Variants in MATR3 observed in about 807,000 individuals in gnomAD.
MATR3 encodes the protein matrin-3.
In MATR3, 4 loss-of-function variants were observed where a neutral mutation model predicts 85.5. That is an observed-to-expected ratio of 0.05 (90% confidence interval 0.02 to 0.11). MATR3 has a LOEUF of 0.11. Ranked by LOEUF, MATR3 falls within the 10% of genes least tolerant of loss-of-function variation. MATR3 has a pLI of 1.00. For missense variants in MATR3, 685 were observed against 1,016.1 expected, an observed-to-expected ratio of 0.67 and a Z score of 4.43; for synonymous variants, 336 against 343.1, an observed-to-expected ratio of 0.98 and a Z score of 0.23.
At chr5:139,277,139 T>C (rs2151853320) in intron 2 of MATR3, among the ~76,000 whole-genome samples, 1 of 151,620 alleles carries the variant, frequency 6.6e-6, no homozygotes, top group African/African-American at 2.4e-5. Flanking sequence ...CCAGATAATT[T>C]TTTTTTTTTT....
intron 5 of MATR3, among the ~76,000 whole-genome samples, chr5:139,316,751 G>A (rs1236571148): frequency 6.6e-6 from 1 of 151,934 alleles, no homozygotes; most frequent in Non-Finnish European, 1.5e-5. Context: ...GGGTTTCGCG[G>A]TGTTGCCCAG....
chr5:139,294,076 G>A (rs1753999200), intron 1 of MATR3: 2 of 1,264,872 alleles, frequency 1.6e-6, no homozygotes, highest in African/African-American at 3.1e-5. Flanking sequence ...GGCCCAGGGT[G>A]CGGCGGGAGA....
At chr5:139,308,446 T>C in intron 2 of MATR3, 119 bp downstream of exon 2, 5 of 1,169,722 alleles carry the variant, frequency 4.3e-6, no homozygotes, top group Non-Finnish European at 6.3e-6. Context: ...TTTTAAACTT[T>C]TGAGAACACT....
chr5:139,324,393 A>T (rs1755738854), intron 12 of MATR3, among the ~76,000 whole-genome samples: 1 of 147,934 alleles, frequency 6.8e-6, no homozygotes. Context: ...TCCCAGGTTC[A>T]AGTTCTGCTG....
chr5:139,315,865 A>G (rs1011145029), intron 4 of MATR3, 127 bp downstream of exon 4: 4 of 887,500 alleles, frequency 4.5e-6, no homozygotes, highest in Non-Finnish European at 7.3e-6. Flanking sequence ...CTTTGATAAA[A>G]TTCACTTTGG....
chr5:139,316,053 A>G, intron 4 of MATR3, 23 bp from the exon 5 acceptor site: 1 of 1,503,714 alleles, frequency 6.7e-7, no homozygotes, highest in South Asian at 1.1e-5. Context: ...TATGATTTAT[A>G]TTTTATGTCT....
In MATR3 at chr5:139,319,012, C is replaced by T; in HGVS notation, c.1413C>T (p.Ser471=). The T allele has an allele frequency of 1.9e-6, 3 of 1,613,232 alleles. No homozygotes were observed. Among genetic ancestry groups the T allele is most frequent in the Admixed American group, 1.7e-5 (1 of 59,998 alleles). The change falls in exon 8 of 15, where the codon TCC becomes TCT. Residue 471 remains serine, a synonymous_variant. Transcript: ENST00000394805. ...VFGKPVRVHL[S]QKYKRIKKPE... ...GCAAGCCAGTGAGAGTTCATTTATC[C>T]CAGAAGTATAAAAGAATAAAGGTAA...
At chr5:139,306,160 A>T (rs1480312792) in intron 1 of MATR3, among the ~76,000 whole-genome samples, 7 of 152,194 alleles carry the variant, frequency 4.6e-5, no homozygotes, top group Non-Finnish European at 5.9e-5. Flanking sequence ...CTTTCAACTA[A>T]TATTTTATGA....
At chr5:139,323,347 CTT>C (rs1426045026) in intron 12 of MATR3, among the ~76,000 whole-genome samples, 1 of 151,782 alleles carries the variant, frequency 6.6e-6, no homozygotes, top group African/African-American at 2.4e-5. Context: ...ATAGTTAAAA[CTT>C]TTGCCACTCA....
In MATR3 at chr5:139,323,508, A is replaced by G. The variant is rs535774487; in HGVS notation, c.2148+541A>G. Reference sequence around the variant, plus strand: ...ATAAATATAAAAATACACACATGCTATAAAGAAGAGTAAACAAAGGACCCA... The same window carrying G: ...ATAAATATAAAAATACACACATGCTGTAAAGAAGAGTAAACAAAGGACCCA... On this transcript the variant is annotated intron_variant, in intron 12 of 14. Transcript: ENST00000394805. 3.3e-5 allele frequency among the ~76,000 whole-genome samples: 5 copies of G among 152,358 alleles called. No homozygotes were observed. The East Asian group carries it at 7.7e-4, about 23-fold the overall frequency.
upstream of MATR3, among the ~76,000 whole-genome samples, chr5:139,292,370 C>G (rs1424154946): frequency 1.3e-5 from 2 of 152,066 alleles, no homozygotes; most frequent in Non-Finnish European, 2.9e-5. Context: ...ATTGCATTGC[C>G]CACCTTATAG....
intron 3 of MATR3, among the ~76,000 whole-genome samples, chr5:139,282,178 C>T (rs1005822715): frequency 6.6e-6 from 1 of 152,300 alleles, no homozygotes; most frequent in South Asian, 2.1e-4. Flanking sequence ...AATGTTGTTG[C>T]TTAATTAGGG....
chr5:139,317,239 T>G (rs1581247891), intron 6 of MATR3, 134 bp downstream of exon 6: 2 of 935,540 alleles, frequency 2.1e-6, no homozygotes, highest in East Asian at 2.6e-5. Context: ...ATCACGTTTT[T>G]CTATGGCTTT....
chr5:139,306,339 A>G (rs1754705132), intron 1 of MATR3, among the ~76,000 whole-genome samples: 1 of 152,158 alleles, frequency 6.6e-6, no homozygotes. Context: ...GTTTACAGGA[A>G]ACTGTGTAAC....
intron 14 of MATR3, among the ~76,000 whole-genome samples, chr5:139,327,419 ATTATT>A (rs1023254257): frequency 4.6e-5 from 7 of 151,830 alleles, no homozygotes; most frequent in African/African-American, 9.7e-5. Flanking sequence ...TGTAGTACAA[ATTATT>A]TTATTTTATT....
rs192807253 is a variant in MATR3 at position 139,307,016 on chromosome 5, C to T, written c.-177-223C>T. ...ATGTTTTTAAACTCAGTATGAAAGT[C>T]CCTTTAATAGTTAAGCTTTAGCATG... On this transcript the variant is annotated intron_variant, in intron 1 of 14. Transcript: ENST00000394805. This position sits in a 1 kb window ranked among gnomAD's most constrained non-coding sequence, Gnocchi z 4.4. Among the ~76,000 whole-genome samples the T allele has an allele frequency of 1.2e-3, 188 of 152,154 alleles. No homozygotes were observed. Among genetic ancestry groups the T allele is most frequent in the Non-Finnish European group, 2.2e-3 (148 of 67,988 alleles).
Position 139,294,110 on chromosome 5 carries a change from C to T in MATR3, c.-178+305C>T, listed in dbSNP as rs752656002. The T allele has an allele frequency of 1.8e-5, 22 of 1,205,820 alleles. No individual in the cohort carries two copies. The South Asian group carries it at 3.6e-4, about 20-fold the overall frequency. The allele number at this position is 1,205,820 out of a possible 1,614,324, so 74.7% of individuals were successfully genotyped here. On this transcript the variant is annotated intron_variant, in intron 1 of 14. Transcript: ENST00000394805. The stretch of plus-strand genomic sequence containing the variant: ...GATTTTGGGTGAAGAGGTGCGCTGA[C>T]CGGCCGAGCTTCCTGCGCGTCCTGG...
rs1362094281 is a variant in MATR3, at chr5:139,331,431, T to C, written c.*2036T>C. ...CTTCAACTTTGTTGGATTTAGCAAG[T>C]TGAAGGAAAGAATGCTATGTTTTTA... On this transcript the variant is annotated 3_prime_UTR_variant, in exon 15 of 15. Coordinates refer to ENST00000394805, the MANE Select transcript of MATR3 (RefSeq NM_018834.6). The C allele has an allele frequency of 4.4e-6, 2 of 454,026 alleles. No homozygotes were observed. Among genetic ancestry groups the C allele is most frequent in the Non-Finnish European group, 8.8e-6 (2 of 226,802 alleles). 28.1% of individuals were successfully genotyped at this position (454,026 alleles called of 1,614,324 possible).
intron 7 of MATR3, 42 bp from the exon 8 acceptor site, chr5:139,318,866 T>G: frequency 1.2e-6 from 2 of 1,609,116 alleles, no homozygotes; most frequent in Non-Finnish European, 1.7e-6. Context: ...GTGAGAAAGC[T>G]GATTGGAAAA....
Sources: gnomAD v4.1 joint callset for allele counts (sites outside exome capture counted in the v4.1 genomes callset) on GRCh38, gnomAD v4.1.1 for gene constraint, Gnocchi (gnomAD v3.1) non-coding constraint, MANE v1.5 for transcripts, NCBI Gene and HGNC (gene_info 2026-07-23, HGNC 2026-07-21) for gene names.